The following ERC2 variants were observed in gnomAD, a reference collection of about 807,000 sequenced individuals.
The protein encoded by ERC2 is ERC protein 2.
A neutral mutation model predicts 114.8 loss-of-function variants in ERC2; 42 were observed. The ratio of observed to expected loss-of-function variants is 0.37; its 90% confidence interval spans 0.29 to 0.47. ERC2 has a LOEUF of 0.47. ERC2 is among the 20% of genes least tolerant of loss of function. ERC2 has a pLI of 0.99. For synonymous variants in ERC2, 454 were observed against 425.5 expected (o/e 1.07, Z -0.82); for missense variants, 939 against 1,150.7 (o/e 0.82, Z 2.66).
intron 12 of ERC2, among the ~76,000 whole-genome samples, chr3:55,971,398 T>TA (rs148416356): frequency 0.034 from 5,122 of 152,262 alleles, 166 homozygotes; most frequent in African/African-American, 0.083. Flanking sequence ...TTAAATGCTA[T>TA]AAAAAAGTTT....
chr3:56,149,960 C>CCAAAA (rs2081332675), intron 4 of ERC2, among the ~76,000 whole-genome samples: 2 of 151,910 alleles, frequency 1.3e-5, no homozygotes, highest in Admixed American at 1.3e-4. Context: ...TATAGGGTAA[C>CCAAAA]CAAAACAAAA....
At chr3:55,969,435 A>ACC (rs1553756453) in intron 12 of ERC2, among the ~76,000 whole-genome samples, 1 of 129,694 alleles carries the variant, frequency 7.7e-6, no homozygotes, top group African/African-American at 2.7e-5. Flanking sequence ...ACACACACAC[A>ACC]CCCTTCACCA....
At chr3:55,795,844 G>C (rs536144942) in intron 14 of ERC2, among the ~76,000 whole-genome samples, 2 of 152,256 alleles carry the variant, frequency 1.3e-5, no homozygotes, top group South Asian at 4.1e-4. Flanking sequence ...TGCCTTATAG[G>C]GTTGCTTCAT....
Position 56,434,688 on chromosome 3 carries a change from G to A in ERC2, c.320C>T (p.Ala107Val). The part of the protein sequence containing the change: ...AMGSSPNIAS[A>V]GLSHTDVLSY... ...AAGGACATCTGTGTGGGAAAGTCCA[G>A]CAGAAGCAATATTGGGACTACTCCC... Residue 107 changes from alanine to valine, a missense_variant, in exon 2 of 18, where the codon GCT (alanine) becomes GTT (valine). This residue lies in a region of ERC2 where 281 missense variants were observed against 307.4 expected (regional missense o/e 0.91). Transcript: ENST00000288221. 3 of 1,614,008 alleles carry A rather than the reference G, an allele frequency of 1.9e-6. No individual in the cohort carries two copies. In the Middle Eastern group the frequency reaches 4.9e-4, roughly 266 times the overall value.
chr3:56,219,855 C>G (rs2049778480), intron 3 of ERC2, among the ~76,000 whole-genome samples: 2 of 152,204 alleles, frequency 1.3e-5, no homozygotes, highest in South Asian at 2.1e-4. Flanking sequence ...AACTTTACTC[C>G]TGATAAGTTT....
At chr3:56,273,738 T>C (rs1364270726) in intron 3 of ERC2, among the ~76,000 whole-genome samples, 1 of 152,194 alleles carries the variant, frequency 6.6e-6, no homozygotes, top group Admixed American at 6.5e-5. Context: ...GACTCCTTTG[T>C]GCAAATTAGA....
chr3:56,440,480 G>A (rs576574990), intron 1 of ERC2, among the ~76,000 whole-genome samples: 8 of 151,480 alleles, frequency 5.3e-5, no homozygotes, highest in East Asian at 3.9e-4. Flanking sequence ...CCCAGGAGGC[G>A]GAGCTTGCAG....
chr3:55,877,865 T>C (rs917567381), intron 14 of ERC2, among the ~76,000 whole-genome samples: 1 of 152,168 alleles, frequency 6.6e-6, no homozygotes, highest in African/African-American at 2.4e-5. Flanking sequence ...TTGTGTGATG[T>C]GGCTGCCCTG....
chr3:55,583,173 C>T (rs565923901), intron 17 of ERC2, among the ~76,000 whole-genome samples: 126 of 152,244 alleles, frequency 8.3e-4, no homozygotes, highest in Admixed American at 3.9e-3. Context: ...ATCATTTACT[C>T]GAGCTACCCA....
chr3:55,714,667 G>GTATA (rs59969304), intron 15 of ERC2, among the ~76,000 whole-genome samples: 17 of 88,576 alleles, frequency 1.9e-4, no homozygotes, highest in East Asian at 9.5e-4. Flanking sequence ...GTGTGTGTGT[G>GTATA]TATATATATA....
chr3:55,782,522 T>C (rs2149054839), intron 14 of ERC2, among the ~76,000 whole-genome samples: 1 of 152,322 alleles, frequency 6.6e-6, no homozygotes, highest in Non-Finnish European at 1.5e-5. Flanking sequence ...ACAAGTTCCT[T>C]ACTGGCTATC....
intron 3 of ERC2, among the ~76,000 whole-genome samples, chr3:56,245,096 A>G (rs955959780): frequency 1.3e-5 from 2 of 152,090 alleles, no homozygotes; most frequent in African/African-American, 4.8e-5. Flanking sequence ...AGTATACTCT[A>G]TGGACATTCA....
intron 6 of ERC2, among the ~76,000 whole-genome samples, chr3:56,082,028 A>C (rs1053837086): frequency 2.0e-4 from 30 of 152,290 alleles, no homozygotes; most frequent in African/African-American, 7.2e-4. Context: ...TCAGCTAAAC[A>C]ATGACATTCA....
At chr3:56,192,274 T>C (rs2047838565) in intron 3 of ERC2, among the ~76,000 whole-genome samples, 1 of 152,192 alleles carries the variant, frequency 6.6e-6, no homozygotes, top group South Asian at 2.1e-4. Context: ...CTCCCCATTG[T>C]TTGCTAAATT....
intron 3 of ERC2, among the ~76,000 whole-genome samples, chr3:56,198,822 C>T (rs1451442832): frequency 6.6e-6 from 1 of 152,046 alleles, no homozygotes; most frequent in Non-Finnish European, 1.5e-5. Context: ...GTAAGAGGAT[C>T]ACCCTGGGAC....
At chr3:56,160,821 T>C (rs2082003158) in intron 4 of ERC2, among the ~76,000 whole-genome samples, 1 of 152,240 alleles carries the variant, frequency 6.6e-6, no homozygotes. Context: ...TTCTCTATTC[T>C]ATTCCACTGG....
chr3:56,224,934 G>A (rs1190650286), intron 3 of ERC2, among the ~76,000 whole-genome samples: 1 of 152,088 alleles, frequency 6.6e-6, no homozygotes, highest in Non-Finnish European at 1.5e-5. Context: ...CACTGGGAGT[G>A]TTATCTCCTA....
rs755892559 is a variant in ERC2 at position 56,019,077 on chromosome 3, C to T, written c.1642-46G>A. Reference sequence around the variant, plus strand: ...TTTAATGCATATTTGATTACATATCCTAGGCCAAAATTCCTGAAGTGGATC... The same window carrying T: ...TTTAATGCATATTTGATTACATATCTTAGGCCAAAATTCCTGAAGTGGATC... On this transcript the variant is annotated intron_variant, in intron 7 of 17. Coordinates refer to ENST00000288221, the MANE Select transcript of ERC2 (RefSeq NM_015576.3). 29 of 1,464,748 alleles carry T rather than the reference C, an allele frequency of 2.0e-5. No homozygotes were observed. In the Middle Eastern group the frequency reaches 8.8e-4, roughly 44 times the overall value. The allele number at this position is 1,464,748 out of a possible 1,614,324, so 90.7% of individuals were successfully genotyped here. A position where few individuals can be genotyped will look rare whatever the true frequency, so the allele number is the denominator to read the frequency against.
At chr3:55,782,506 AC>A (rs2069138705) in intron 14 of ERC2, among the ~76,000 whole-genome samples, 1 of 152,058 alleles carries the variant, frequency 6.6e-6, no homozygotes, top group Non-Finnish European at 1.5e-5. Context: ...ATATGTTACA[AC>A]CCCAACAAGT....
Sources: gnomAD v4.1 joint callset for allele counts (sites outside exome capture counted in the v4.1 genomes callset) on GRCh38, gnomAD v4.1.1 for gene constraint, gnomAD v4.1.1 regional missense constraint, MANE v1.5 for transcripts, NCBI Gene and HGNC (gene_info 2026-07-23, HGNC 2026-07-21) for gene names.